Variants in ZMYM2 observed in about 807,000 individuals in gnomAD.
The protein encoded by ZMYM2 is zinc finger MYM-type protein 2.
Under a neutral mutation model 162.8 loss-of-function variants are expected in ZMYM2, and 56 were observed. That is an observed-to-expected ratio of 0.34 (90% CI 0.28 to 0.43). The LOEUF is 0.43. ZMYM2 is among the 20% of genes least tolerant of loss of function. The pLI is 1.00. For missense variants in ZMYM2, 1,275 were observed against 1,621.8 expected (o/e 0.79, Z 3.67); for synonymous variants, 510 against 541.6 (o/e 0.94, Z 0.81).
At chr13:20,043,955 G>T (rs892389154) in intron 12 of ZMYM2, among the ~76,000 whole-genome samples, 1 of 152,054 alleles carries the variant, frequency 6.6e-6, no homozygotes, top group South Asian at 2.1e-4. Context: ...TATGATGGGG[G>T]CTTCTAGGAC....
rs747053429 is a variant in ZMYM2, at chr13:20,006,232, T to TAAA, written c.1300-128_1300-126dup. 4,719 of 673,160 alleles carry TAAA rather than the reference T, an allele frequency of 7.0e-3. 4 individuals carry two copies. Among genetic ancestry groups the TAAA allele is most frequent in the Middle Eastern group, 0.02 (44 of 2,160 alleles). The allele number at this position is 673,160 out of a possible 1,614,324, so 41.7% of individuals were successfully genotyped here. On this transcript the variant is annotated intron_variant, in intron 5 of 24. Transcript: ENST00000610343. ...TGGGTAATGAGTGAGACCCTGTCTT[T>TAAA]AAAAAAAAAAAAAAAATTTTTTTTT...
At chr13:19,972,556 G>C (rs780623414) in intron 2 of ZMYM2, among the ~76,000 whole-genome samples, 2 of 151,868 alleles carry the variant, frequency 1.3e-5, no homozygotes, top group African/African-American at 4.8e-5. Context: ...GTATTTAATG[G>C]CATGGATATA....
intron 2 of ZMYM2, among the ~76,000 whole-genome samples, chr13:19,965,514 C>T (rs1316023841): frequency 2.0e-5 from 3 of 152,144 alleles, no homozygotes; most frequent in African/African-American, 7.2e-5. Context: ...ATTAGATAGT[C>T]ATAAAATATG....
chr13:20,007,866 G>A (rs895935819), intron 6 of ZMYM2, among the ~76,000 whole-genome samples: 7 of 150,582 alleles, frequency 4.6e-5, no homozygotes, highest in Admixed American at 6.6e-5. Flanking sequence ...AGTGGTCTCC[G>A]TGCCTCGGCC....
the ZMYM2 span, among the ~76,000 whole-genome samples, chr13:19,912,267 AT>A: frequency 9.3e-6 from 1 of 107,542 alleles, no homozygotes; most frequent in African/African-American, 3.6e-5. Context: ...CTATGTTATA[AT>A]TTTCACAGGG....
chr13:19,895,178 A>AAACTGG, the ZMYM2 span, among the ~76,000 whole-genome samples: 3 of 151,712 alleles, frequency 2.0e-5, no homozygotes, highest in Non-Finnish European at 2.9e-5. Flanking sequence ...GCATGTGGAG[A>AAACTGG]AACTGGAACT....
rs1470790463 is a variant in ZMYM2 at position 20,064,504 on chromosome 13, G to A, written c.3091G>A (p.Glu1031Lys). The A allele has an allele frequency of 6.9e-6, 11 of 1,598,588 alleles. No individual in the cohort carries two copies. The highest frequency in any genetic ancestry group is 9.4e-6 in the Non-Finnish European group (11 of 1,172,504). The part of the protein sequence containing the change: ...NEFLLPPVFG[E>K]EYEEQPRPRS... ...ATTTTTATTACCACCTGTTTTTGGC[G>A]AAGAATATGAGGAACAGCCCAGACC... The change falls in exon 19 of 25, where the codon GAA (glutamate) becomes AAA (lysine). Residue 1031 changes from glutamate to lysine, a missense_variant. Coordinates refer to ENST00000610343, the MANE Select transcript of ZMYM2 (RefSeq NM_197968.4).
rs369190883 is a variant in ZMYM2 at position 19,993,942 on chromosome 13, C to G, written c.847+23C>G. The G allele has an allele frequency of 5.7e-6, 9 of 1,577,210 alleles. No individual in the cohort carries two copies. In the African/African-American group the frequency reaches 9.6e-5, roughly 17 times the overall value. On this transcript the variant is annotated intron_variant, in intron 3 of 24. Coordinates refer to ENST00000610343, the MANE Select transcript of ZMYM2 (RefSeq NM_197968.4). ...CTGGTAAGCAGTAAGAGATACTCTACTTCATGTAAATGAATTTAAACTTTT... is the reference window on the plus strand; with the variant it reads ...CTGGTAAGCAGTAAGAGATACTCTAGTTCATGTAAATGAATTTAAACTTTT...
Position 20,006,475 on chromosome 13 carries a change from T to G in ZMYM2, c.1401T>G (p.Cys467Trp). ...RMANGLIMNCCEQCGEYLPSK... is the reference protein window; with the variant it reads ...RMANGLIMNCWEQCGEYLPSK... Reference sequence around the variant, plus strand: ...CCAATGGTTTAATAATGAATTGCTGTGAACAGTGTGGAGAGTACTTGCCCA... The same window carrying G: ...CCAATGGTTTAATAATGAATTGCTGGGAACAGTGTGGAGAGTACTTGCCCA... The change falls in exon 6 of 25, where the codon TGT becomes TGG. Residue 467 changes from cysteine (C) to tryptophan (W), a missense_variant. Cys to Trp is a radical substitution (Grantham distance 215). Transcript: ENST00000610343. The G allele has an allele frequency of 1.2e-6, 2 of 1,613,564 alleles. No individual in the cohort carries two copies. The highest frequency in any genetic ancestry group is 1.7e-6 in the Non-Finnish European group (2 of 1,179,684).
At chr13:19,992,949 C>T (rs1490658840) in intron 2 of ZMYM2, 114 bp from the exon 3 acceptor site, 2 of 1,153,300 alleles carry the variant, frequency 1.7e-6, no homozygotes, top group East Asian at 5.3e-5. Flanking sequence ...AGACAAGAAT[C>T]ACTTCATTTA....
intron 10 of ZMYM2, among the ~76,000 whole-genome samples, chr13:20,033,561 C>T (rs960347448): frequency 2.6e-5 from 4 of 152,178 alleles, no homozygotes; most frequent in Non-Finnish European, 5.9e-5. Context: ...CATGTCTTTG[C>T]TAACTGTAAA....
chr13:20,046,655 A>ATG (rs200419460), intron 12 of ZMYM2, among the ~76,000 whole-genome samples: 4 of 147,892 alleles, frequency 2.7e-5, no homozygotes, highest in Non-Finnish European at 4.5e-5. Context: ...ACATATGTAT[A>ATG]TGTGTGTATA....
chr13:20,052,406 T>G, intron 14 of ZMYM2, 95 bp downstream of exon 14: 1 of 1,254,746 alleles, frequency 8.0e-7, no homozygotes, highest in Non-Finnish European at 1.1e-6. Context: ...ATAGTAATTT[T>G]TTTGGTTTTT....
At chr13:19,990,985 A>T (rs1451279507) in intron 2 of ZMYM2, among the ~76,000 whole-genome samples, 3 of 151,262 alleles carry the variant, frequency 2.0e-5, no homozygotes, top group Admixed American at 6.6e-5. Context: ...TGATATTACC[A>T]CCTGAGCCCA....
chr13:20,033,242 G>C (rs540591176), intron 10 of ZMYM2, among the ~76,000 whole-genome samples: 2 of 151,900 alleles, frequency 1.3e-5, no homozygotes, highest in East Asian at 3.8e-4. Flanking sequence ...ATCAAAATGA[G>C]GTCCTTTTCA....
the ZMYM2 span, among the ~76,000 whole-genome samples, chr13:19,952,194 A>G: frequency 6.6e-6 from 1 of 152,126 alleles, no homozygotes; most frequent in Non-Finnish European, 1.5e-5. Context: ...GAACTCATAG[A>G]AGCAGAGCAT....
At chr13:19,885,916 CACATATATATGTGTAT>C in the ZMYM2 span, among the ~76,000 whole-genome samples, 5 of 49,384 alleles carry the variant, frequency 1.0e-4, 2 homozygotes, top group Non-Finnish European at 5.0e-5. Flanking sequence ...TATGTATATA[CACATATATATGTGTAT>C]ACACATATAT....
Position 20,034,329 on chromosome 13 carries a change from G to A in ZMYM2, c.2044G>A (p.Glu682Lys), listed in dbSNP as rs774135253. 3 of 1,611,312 alleles carry A rather than the reference G, an allele frequency of 1.9e-6. No individual in the cohort carries two copies. The highest frequency in any genetic ancestry group is 1.7e-5 in the Admixed American group (1 of 59,610). ...KKLHCIVTYC[E>K]YCQEEKTLHE... ...GTTGCATTGCATAGTTACATATTGCGAATACTGTCAAGAGGAGAAGACTCT... is the reference window on the plus strand; with the variant it reads ...GTTGCATTGCATAGTTACATATTGCAAATACTGTCAAGAGGAGAAGACTCT... The change falls in exon 11 of 25, where the codon GAA becomes AAA. Residue 682 changes from glutamate to lysine, a missense_variant. Around this residue, in one of 10 missense-constraint regions of ZMYM2, gnomAD observed 3 missense variants for 16.8 expected, o/e 0.18. Coordinates refer to ENST00000610343, the MANE Select transcript of ZMYM2 (RefSeq NM_197968.4).
At chr13:20,027,723 T>C (rs1447642079) in intron 9 of ZMYM2, among the ~76,000 whole-genome samples, 1 of 152,120 alleles carries the variant, frequency 6.6e-6, no homozygotes, top group Non-Finnish European at 1.5e-5. Context: ...ATGGACCATG[T>C]AAAGAGGGAA....
Sources: gnomAD v4.1 joint callset for allele counts (sites outside exome capture counted in the v4.1 genomes callset) on GRCh38, gnomAD v4.1.1 for gene constraint, gnomAD v4.1.1 regional missense constraint, MANE v1.5 for transcripts, NCBI Gene and HGNC (gene_info 2026-07-23, HGNC 2026-07-21) for gene names.